TSPAN15: variants seen among roughly 807,000 people sequenced by gnomAD.
TSPAN15 encodes tetraspanin 15, also known as tetraspanin-15.
A neutral mutation model predicts 34.5 loss-of-function variants in TSPAN15; 20 were observed. That is an observed-to-expected ratio of 0.58 (90% confidence interval 0.41 to 0.84). The LOEUF (loss-of-function observed/expected upper bound fraction) is 0.84. Among genes scored for constraint, TSPAN15 ranks in the 40% least tolerant of loss-of-function variants. The pLI is 0.00. For missense variants in TSPAN15, 313 were observed against 386.1 expected (o/e 0.81, Z 1.59); for synonymous variants, 155 against 153.9 (o/e 1.01, Z -0.05).
rs1027649395 is a variant in TSPAN15 at position 69,451,756 on chromosome 10, G to T, written c.96+66G>T. On this transcript the variant is annotated intron_variant, in intron 1 of 7. Coordinates refer to ENST00000373290, the MANE Select transcript of TSPAN15 (RefSeq NM_012339.5). Reference sequence around the variant, plus strand: ...CCACAATCCGGCCGCCCCCTCACTGGCCCGGGGTTGGGTCCACACTTAGCC... The same window carrying T: ...CCACAATCCGGCCGCCCCCTCACTGTCCCGGGGTTGGGTCCACACTTAGCC... 75 of 1,312,126 alleles carry T rather than the reference G, an allele frequency of 5.7e-5. No individual in the cohort carries two copies. In the Middle Eastern group the frequency reaches 5.8e-4, roughly 10 times the overall value. The allele number at this position is 1,312,126 out of a possible 1,614,324, so 81.3% of individuals were successfully genotyped here.
At chr10:69,464,534 G>A (rs1013489114) in intron 1 of TSPAN15, among the ~76,000 whole-genome samples, 1 of 152,350 alleles carries the variant, frequency 6.6e-6, no homozygotes, top group African/African-American at 2.4e-5. Flanking sequence ...AACCGGGGAA[G>A]GTGGATGCGA....
intron 1 of TSPAN15, among the ~76,000 whole-genome samples, chr10:69,459,428 G>A (rs964839468): frequency 2.6e-5 from 4 of 152,048 alleles, no homozygotes; most frequent in African/African-American, 9.7e-5. Flanking sequence ...AGTGGGGAGG[G>A]ATGGGCGTTT....
intron 1 of TSPAN15, among the ~76,000 whole-genome samples, chr10:69,454,793 C>T (rs1183389341): frequency 2.6e-5 from 4 of 151,910 alleles, no homozygotes; most frequent in Admixed American, 6.6e-5. Flanking sequence ...CTCCAGCCTG[C>T]ATGAGACTCT....
chr10:69,492,511 A>G (rs1285083444), intron 3 of TSPAN15, among the ~76,000 whole-genome samples: 2 of 152,208 alleles, frequency 1.3e-5, no homozygotes, highest in African/African-American at 4.8e-5. Flanking sequence ...GCTGCTGTCC[A>G]TGAAGCCCAG....
chr10:69,484,861 G>A lies in TSPAN15; in HGVS notation c.283-280G>A, dbSNP rs374030788. 1.6e-4 allele frequency among the ~76,000 whole-genome samples: 25 copies of A among 152,298 alleles called. No individual in the cohort carries two copies. The East Asian group carries it at 4.6e-3, about 28-fold the overall frequency. On this transcript the variant is annotated intron_variant, in intron 2 of 7. Transcript: ENST00000373290. ...CCTTATGGTGGTGGGGGAAGGGCGT[G>A]CTCTTCCACATAGACCCCCAAGACA...
intron 1 of TSPAN15, among the ~76,000 whole-genome samples, chr10:69,466,846 G>T (rs1374161431): frequency 1.3e-5 from 2 of 152,198 alleles, no homozygotes; most frequent in African/African-American, 4.8e-5. Flanking sequence ...CCACCTCAGG[G>T]TCTCCTTCGC....
chr10:69,525,893 CCTAT>C, the TSPAN15 span, among the ~76,000 whole-genome samples: 10 of 145,218 alleles, frequency 6.9e-5, 1 homozygote, highest in African/African-American at 2.3e-4. Flanking sequence ...ATATTAAGCT[CCTAT>C]CTGATGTATC....
downstream of TSPAN15, among the ~76,000 whole-genome samples, chr10:69,512,397 A>G (rs189921206): frequency 6.6e-6 from 1 of 152,364 alleles, no homozygotes; most frequent in East Asian, 1.9e-4. Flanking sequence ...TTTGTATAAA[A>G]ATGTCCAATA....
chr10:69,483,943 C>T lies in TSPAN15; in HGVS notation c.282+67C>T, dbSNP rs549666106. 76 of 1,525,640 alleles carry T rather than the reference C, an allele frequency of 5.0e-5. No individual in the cohort carries two copies. The African/African-American group carries it at 8.6e-4, about 17-fold the overall frequency. 94.5% of individuals were successfully genotyped at this position (1,525,640 alleles called of 1,614,324 possible). A position where few individuals can be genotyped will look rare whatever the true frequency, so the allele number is the denominator to read the frequency against. On this transcript the variant is annotated intron_variant, in intron 2 of 7. Transcript: ENST00000373290. ...GAGCTGGGGCGCCTGCCCCTGTGCC[C>T]TTGGGCAGCTCAGTTTCTTTTGTCC...
Position 69,467,436 on chromosome 10 carries a change from G to A in TSPAN15, c.96+15746G>A, listed in dbSNP as rs1472129832. ...TCTGAAGCTTTAGGCAAAGGAAGAC[G>A]CAAACCTGTAGTAAACAAACCTCTT... On this transcript the variant is annotated intron_variant, in intron 1 of 7. Transcript: ENST00000373290. Among the ~76,000 whole-genome samples, 5 of 152,118 alleles carry A rather than the reference G, an allele frequency of 3.3e-5. No individual in the cohort carries two copies. In the East Asian group the frequency reaches 9.6e-4, roughly 29 times the overall value.
chr10:69,460,200 T>C (rs887163755), intron 1 of TSPAN15, among the ~76,000 whole-genome samples: 2 of 151,766 alleles, frequency 1.3e-5, no homozygotes, highest in African/African-American at 4.8e-5. Flanking sequence ...CATGTGGTCT[T>C]TTCCAGAGGC....
chr10:69,480,405 A>G (rs964167295), intron 1 of TSPAN15, among the ~76,000 whole-genome samples: 7 of 152,280 alleles, frequency 4.6e-5, no homozygotes, highest in African/African-American at 1.7e-4. Flanking sequence ...AAATGTTAAG[A>G]TACAATAGTT....
chr10:69,471,560 A>T (rs60335786), intron 1 of TSPAN15, among the ~76,000 whole-genome samples: 9,171 of 145,802 alleles, frequency 0.063, 998 homozygotes, highest in African/African-American at 0.22. Flanking sequence ...TTTCTCTCTC[A>T]CTCTCCCCTT....
At chr10:69,519,782 G>T in the TSPAN15 span, among the ~76,000 whole-genome samples, 1 of 151,992 alleles carries the variant, frequency 6.6e-6, no homozygotes, top group Non-Finnish European at 1.5e-5. Flanking sequence ...GCCCAGGCTA[G>T]AGTGCAATGG....
At chr10:69,546,700 C>G in the TSPAN15 span, among the ~76,000 whole-genome samples, 10 of 152,334 alleles carry the variant, frequency 6.6e-5, no homozygotes, top group African/African-American at 2.2e-4. Flanking sequence ...TGAAATCTCT[C>G]CTGCACCTCC....
intron 1 of TSPAN15, among the ~76,000 whole-genome samples, chr10:69,459,553 AGAG>A (rs1841197168): frequency 1.8e-5 from 1 of 55,930 alleles, no homozygotes; most frequent in African/African-American, 5.3e-5. Flanking sequence ...CCAGGCAGAG[AGAG>A]CCATGAGTTC....
the TSPAN15 span, among the ~76,000 whole-genome samples, chr10:69,524,526 A>G: frequency 2.7e-5 from 4 of 146,902 alleles, 1 homozygote; most frequent in Admixed American, 2.8e-4. Flanking sequence ...TTCTAGAAAA[A>G]CTCCTTCTTC....
At chr10:69,466,206 TC>T (rs1441138365) in intron 1 of TSPAN15, among the ~76,000 whole-genome samples, 1 of 152,228 alleles carries the variant, frequency 6.6e-6, no homozygotes, top group Non-Finnish European at 1.5e-5. Context: ...GAAGTCTTGT[TC>T]CTGATGAGGG....
At chr10:69,486,772 G>T (rs929944248) in intron 3 of TSPAN15, among the ~76,000 whole-genome samples, 2 of 152,242 alleles carry the variant, frequency 1.3e-5, no homozygotes, top group Admixed American at 6.5e-5. Context: ...TTCTGCTGGG[G>T]CCTCCTGCAG....
Sources: allele counts gnomAD v4.1 joint callset (sites outside exome capture counted in the v4.1 genomes callset), GRCh38; gene constraint gnomAD v4.1.1; transcripts MANE v1.5; gene names NCBI Gene and HGNC (gene_info 2026-07-23, HGNC 2026-07-21).